KCNH1: variants seen among roughly 807,000 people sequenced by gnomAD.
The protein encoded by KCNH1 is potassium voltage-gated channel subfamily H member 1, also known as voltage-gated delayed rectifier potassium channel KCNH1.
In KCNH1, 27 loss-of-function variants were observed where a neutral mutation model predicts 69.2. That is an observed-to-expected ratio of 0.39 (90% confidence interval 0.29 to 0.54). The LOEUF (loss-of-function observed/expected upper bound fraction) is 0.54, where lower values mean the gene tolerates loss of function less well. Among genes scored for constraint, KCNH1 ranks in the 20% least tolerant of loss-of-function variants. The pLI, the probability that KCNH1 is intolerant of heterozygous loss-of-function variation, is 0.68. For missense variants in KCNH1, 798 were observed against 1,261.6 expected, an observed-to-expected ratio of 0.63 and a Z score of 5.57; for synonymous variants, 456 against 487.7, an observed-to-expected ratio of 0.93 and a Z score of 0.86.
intron 6 of KCNH1, among the ~76,000 whole-genome samples, chr1:210,997,318 G>A (rs940638295): frequency 6.6e-6 from 1 of 152,192 alleles, no homozygotes; most frequent in African/African-American, 2.4e-5. Context: ...AGTCCTTAAA[G>A]GAGCTGATGC....
intron 5 of KCNH1, among the ~76,000 whole-genome samples, chr1:211,031,573 G>A (rs543082045): frequency 6.6e-6 from 1 of 152,120 alleles, no homozygotes; most frequent in Admixed American, 6.5e-5. Flanking sequence ...TGATCAAGTG[G>A]GCTTCATCCC....
At chr1:210,694,169 C>T (rs1681586383) in intron 10 of KCNH1, among the ~76,000 whole-genome samples, 2 of 152,198 alleles carry the variant, frequency 1.3e-5, no homozygotes, top group South Asian at 4.2e-4. Flanking sequence ...AAGCCTAGAA[C>T]CCCTAGAATG....
intron 6 of KCNH1, among the ~76,000 whole-genome samples, chr1:210,934,983 C>T (rs1687749340): frequency 6.6e-6 from 1 of 151,836 alleles, no homozygotes. Flanking sequence ...AATCCCAATG[C>T]TGGGTTATGC....
At chr1:210,965,114 C>A (rs1165070498) in intron 6 of KCNH1, among the ~76,000 whole-genome samples, 1 of 152,148 alleles carries the variant, frequency 6.6e-6, no homozygotes, top group Non-Finnish European at 1.5e-5. Context: ...ATAACAAGAA[C>A]TATTTATGAC....
intron 6 of KCNH1, among the ~76,000 whole-genome samples, chr1:211,002,325 T>C (rs953895426): frequency 1.9e-5 from 2 of 106,348 alleles, no homozygotes; most frequent in African/African-American, 9.0e-5. Flanking sequence ...TGTATATATA[T>C]ATGTGTGTGT....
At chr1:210,765,154 T>C (rs1683601001) in intron 10 of KCNH1, among the ~76,000 whole-genome samples, 1 of 152,006 alleles carries the variant, frequency 6.6e-6, no homozygotes, top group African/African-American at 2.4e-5. Flanking sequence ...TAGCTCAACA[T>C]TGAGTACACA....
At chr1:211,118,427 A>G (rs967457397) in intron 1 of KCNH1, among the ~76,000 whole-genome samples, 3 of 152,134 alleles carry the variant, frequency 2.0e-5, no homozygotes, top group Non-Finnish European at 4.4e-5. Flanking sequence ...TCTCATCTGA[A>G]AGTTCCCCTG....
intron 6 of KCNH1, among the ~76,000 whole-genome samples, chr1:210,990,368 C>T (rs765086000): frequency 2.0e-5 from 3 of 152,294 alleles, no homozygotes; most frequent in South Asian, 2.1e-4. Context: ...TGCAGCATCC[C>T]GGAGGGGCCT....
chr1:210,722,388 G>A (rs1167866546), intron 10 of KCNH1, among the ~76,000 whole-genome samples: 1 of 152,148 alleles, frequency 6.6e-6, no homozygotes, highest in East Asian at 1.9e-4. Context: ...GGCCACCACA[G>A]AGAGACTATG....
chr1:210,785,459 A>G (rs1198536453), intron 9 of KCNH1, among the ~76,000 whole-genome samples: 1 of 151,358 alleles, frequency 6.6e-6, no homozygotes. Flanking sequence ...CAGTGGTGCA[A>G]TCTTGGCTCA....
At chr1:210,797,433 G>C (rs528772548) in intron 9 of KCNH1, 75 bp downstream of exon 9, 12 of 1,504,982 alleles carry the variant, frequency 8.0e-6, no homozygotes, top group Non-Finnish European at 1.1e-5. Flanking sequence ...AACTGAAGGT[G>C]GCAGTGGCAT....
chr1:210,806,820 A>ATATATATATATATATATATAT (rs1558477727), intron 7 of KCNH1, among the ~76,000 whole-genome samples: 2 of 23,700 alleles, frequency 8.4e-5, no homozygotes, highest in African/African-American at 2.4e-4. Flanking sequence ...AAAAAAAAAA[A>ATATATATATATATATATATAT]AAAAAAAAAA....
intron 1 of KCNH1, among the ~76,000 whole-genome samples, chr1:211,110,369 G>C (rs937219472): frequency 6.6e-6 from 1 of 152,060 alleles, no homozygotes; most frequent in African/African-American, 2.4e-5. Context: ...TCAGAGACTA[G>C]AAGTTCCAAA....
Position 210,999,589 on chromosome 1 carries a change from G to A in KCNH1, c.1032+19194C>T, listed in dbSNP as rs937300331. 7.2e-5 allele frequency among the ~76,000 whole-genome samples: 11 copies of A among 152,274 alleles called. No homozygotes were observed. The East Asian group carries it at 1.9e-3, about 27-fold the overall frequency. On this transcript the variant is annotated intron_variant, in intron 6 of 10. Transcript: ENST00000271751. ...CAGCCAAATTCTACCAGAGGTACAA[G>A]GAGGAGCTGGTACCATTCCTTCTGA...
intron 7 of KCNH1, among the ~76,000 whole-genome samples, chr1:210,908,655 C>T (rs12117040): frequency 0.048 from 7,271 of 152,178 alleles, 362 homozygotes; most frequent in East Asian, 0.26. Flanking sequence ...CTGTCGTTTC[C>T]CCAATGGGTG....
chr1:210,973,403 A>G (rs1051249507), intron 6 of KCNH1, among the ~76,000 whole-genome samples: 12 of 152,140 alleles, frequency 7.9e-5, no homozygotes, highest in Non-Finnish European at 1.8e-4. Context: ...CTTTCTCTCA[A>G]TTCTATACCT....
chr1:210,756,601 C>A (rs1683405364), intron 10 of KCNH1, among the ~76,000 whole-genome samples: 1 of 152,168 alleles, frequency 6.6e-6, no homozygotes, highest in South Asian at 2.1e-4. Flanking sequence ...CAGGGACAGT[C>A]AGATGGATGT....
chr1:210,732,727 G>T (rs1452216609), intron 10 of KCNH1, among the ~76,000 whole-genome samples: 4 of 152,230 alleles, frequency 2.6e-5, no homozygotes, highest in Non-Finnish European at 5.9e-5. Context: ...CAAGGGCTCT[G>T]TCTGCTTCAC....
At chr1:211,010,452 T>C (rs895864461) in intron 6 of KCNH1, among the ~76,000 whole-genome samples, 3 of 152,142 alleles carry the variant, frequency 2.0e-5, no homozygotes, top group African/African-American at 7.2e-5. Context: ...GGCAAGACTC[T>C]AGGATTCTTT....
Sources: allele counts gnomAD v4.1 joint callset (sites outside exome capture counted in the v4.1 genomes callset), GRCh38; gene constraint gnomAD v4.1.1; transcripts MANE v1.5; gene names NCBI Gene and HGNC (gene_info 2026-07-23, HGNC 2026-07-21).